Variants in SDCCAG8 observed in about 807,000 individuals in gnomAD.
SDCCAG8 encodes the protein serologically defined colon cancer antigen 8.
A neutral mutation model predicts 101.8 loss-of-function variants in SDCCAG8; 74 were observed. The observed-to-expected ratio is 0.73, with a 90% CI of 0.60 to 0.88. The LOEUF is 0.88. Ranked by LOEUF, SDCCAG8 falls within the 40% of genes least tolerant of loss-of-function variation. The probability of loss-of-function intolerance (pLI) is 0.00; values close to 1 mark genes in which losing one functional copy is unlikely to be tolerated. For synonymous variants in SDCCAG8, 281 were observed against 292.9 expected (o/e 0.96, Z 0.41); for missense variants, 787 against 822.6 (o/e 0.96, Z 0.53).
intron 12 of SDCCAG8, among the ~76,000 whole-genome samples, chr1:243,364,110 A>AT (rs996885326): frequency 6.6e-5 from 10 of 151,488 alleles, no homozygotes; most frequent in East Asian, 1.9e-4. Context: ...GTACAGAAGG[A>AT]TTTTTTTTTC....
intron 17 of SDCCAG8, among the ~76,000 whole-genome samples, chr1:243,499,273 A>G (rs1041547779): frequency 2.6e-5 from 4 of 152,246 alleles, no homozygotes; most frequent in African/African-American, 9.6e-5. Context: ...CATAGGTTAC[A>G]ATAAATTGCT....
intron 16 of SDCCAG8, among the ~76,000 whole-genome samples, chr1:243,436,683 C>T (rs1365518748): frequency 6.6e-6 from 1 of 152,176 alleles, no homozygotes; most frequent in Non-Finnish European, 1.5e-5. Flanking sequence ...TAGGAAATAA[C>T]TAATGCCTGT....
At chr1:243,358,345 A>G (rs1262254477) in intron 12 of SDCCAG8, among the ~76,000 whole-genome samples, 1 of 152,194 alleles carries the variant, frequency 6.6e-6, no homozygotes, top group Non-Finnish European at 1.5e-5. Flanking sequence ...ATGATTAATA[A>G]ACATGTGAAA....
rs1573920009 is a variant in SDCCAG8 at position 243,415,799 on chromosome 1, C to G, written c.1714C>G (p.Gln572Glu). The G allele has an allele frequency of 6.2e-7, 1 of 1,613,550 alleles. No homozygotes were observed. Among genetic ancestry groups the G allele is most frequent in the South Asian group, 1.1e-5 (1 of 91,078 alleles). Residue 572 changes from glutamine (Q) to glutamate (E), a missense_variant, in exon 14 of 18, where the codon CAG (glutamine) becomes GAG (glutamate). Gln to Glu is a conservative substitution (Grantham distance 29, BLOSUM62 2). Transcript: ENST00000366541. ...QREQELTQKI[Q>E]QMEAQHDKTE... ...AGAGCAGGAGCTGACACAGAAGATACAGCAAATGGAGGCCCAGCATGACAA... is the reference window on the plus strand; with the variant it reads ...AGAGCAGGAGCTGACACAGAAGATAGAGCAAATGGAGGCCCAGCATGACAA...
At chr1:243,411,326 A>C (rs1304962892) in intron 13 of SDCCAG8, among the ~76,000 whole-genome samples, 1 of 152,110 alleles carries the variant, frequency 6.6e-6, no homozygotes, top group African/African-American at 2.4e-5. Context: ...CAGGTTGCCC[A>C]GGCTGGTCTC....
chr1:243,476,252 G>A, intron 16 of SDCCAG8: 9 of 985,484 alleles, frequency 9.1e-6, no homozygotes, highest in Non-Finnish European at 1.1e-5. Flanking sequence ...CCTTGGTTTG[G>A]ACAGAAGAGG....
At chr1:243,350,064 C>A (rs972240293) in intron 12 of SDCCAG8, among the ~76,000 whole-genome samples, 1 of 152,124 alleles carries the variant, frequency 6.6e-6, no homozygotes, top group Non-Finnish European at 1.5e-5. Context: ...TGGACACTGA[C>A]ATTAAGGATG....
intron 4 of SDCCAG8, among the ~76,000 whole-genome samples, chr1:243,281,001 C>A (rs1256534396): frequency 2.0e-5 from 3 of 152,164 alleles, no homozygotes; most frequent in Non-Finnish European, 2.9e-5. Context: ...AAATTTCCAA[C>A]TGTAATAGTG....
At chr1:243,342,359 A>G (rs536461329) in intron 11 of SDCCAG8, among the ~76,000 whole-genome samples, 21 of 152,360 alleles carry the variant, frequency 1.4e-4, no homozygotes, top group African/African-American at 5.0e-4. Flanking sequence ...AGTTGCTTCC[A>G]ACGTGGAGAT....
intron 13 of SDCCAG8, among the ~76,000 whole-genome samples, chr1:243,388,215 G>T (rs1353657523): frequency 5.9e-5 from 9 of 152,142 alleles, no homozygotes. Flanking sequence ...CCAGAACAGG[G>T]CTCAATTTCT....
intron 6 of SDCCAG8, 178 bp downstream of exon 6, chr1:243,293,397 A>G: frequency 1.3e-6 from 1 of 774,708 alleles, no homozygotes; most frequent in South Asian, 1.5e-5. Flanking sequence ...ATCCATTTTC[A>G]GAACTTTTTG....
intron 9 of SDCCAG8, among the ~76,000 whole-genome samples, chr1:243,319,179 C>A (rs2073533147): frequency 6.6e-6 from 1 of 152,050 alleles, no homozygotes; most frequent in African/African-American, 2.4e-5. Flanking sequence ...GATCCACCCC[C>A]ATGACCCAAA....
chr1:243,261,358 T>A (rs1369583768), intron 1 of SDCCAG8, among the ~76,000 whole-genome samples: 1 of 152,210 alleles, frequency 6.6e-6, no homozygotes, highest in Non-Finnish European at 1.5e-5. Flanking sequence ...TGTTTTTGTC[T>A]TATGGAAATG....
intron 8 of SDCCAG8, among the ~76,000 whole-genome samples, chr1:243,310,097 C>T (rs2072575747): frequency 6.6e-6 from 1 of 152,094 alleles, no homozygotes; most frequent in African/African-American, 2.4e-5. Flanking sequence ...CTCTTGACCT[C>T]ATGATCCACC....
At chr1:243,445,824 TG>T (rs892203221) in intron 16 of SDCCAG8, among the ~76,000 whole-genome samples, 1 of 152,224 alleles carries the variant, frequency 6.6e-6, no homozygotes, top group African/African-American at 2.4e-5. Flanking sequence ...CTTTTTGTGT[TG>T]GGGGGTGGAA....
rs7555583 is a variant in SDCCAG8, at chr1:243,374,806, A to C, written c.1474-3915A>C. On this transcript the variant is annotated intron_variant, in intron 12 of 17. Coordinates refer to ENST00000366541, the MANE Select transcript of SDCCAG8 (RefSeq NM_006642.5). ...AAGGCTTGACAGAAGATAGAGATCA[A>C]CCAGGCCATACATAAGGTGCCAAGA... 6.4e-3 allele frequency among the ~76,000 whole-genome samples: 973 copies of C among 152,230 alleles called. 12 individuals carry two copies. Among genetic ancestry groups the C allele is most frequent in the African/African-American group, 0.021 (891 of 41,558 alleles).
chr1:243,427,934 G>A (rs561372515), intron 16 of SDCCAG8, among the ~76,000 whole-genome samples: 115 of 152,292 alleles, frequency 7.6e-4, no homozygotes, highest in African/African-American at 2.6e-3. Context: ...CGTGGTCTCC[G>A]TGGCATAGTC....
At chr1:243,320,389 G>T (rs2073651298) in intron 9 of SDCCAG8, among the ~76,000 whole-genome samples, 1 of 152,096 alleles carries the variant, frequency 6.6e-6, no homozygotes, top group Admixed American at 6.5e-5. Context: ...AAATTCTTCG[G>T]TGAATTTTCA....
intron 1 of SDCCAG8, among the ~76,000 whole-genome samples, chr1:243,257,472 CA>C (rs561638555): frequency 0.012 from 1,466 of 122,664 alleles, 17 homozygotes; most frequent in African/African-American, 0.034. Flanking sequence ...GGGAGAAAGA[CA>C]AAAAAAAAAA....
Sources: allele counts gnomAD v4.1 joint callset (sites outside exome capture counted in the v4.1 genomes callset), GRCh38; gene constraint gnomAD v4.1.1; transcripts MANE v1.5; gene names NCBI Gene and HGNC (gene_info 2026-07-23, HGNC 2026-07-21).